Variants in CT47B1 observed in about 807,000 individuals in gnomAD.
CT47B1 encodes the protein cancer/testis antigen family 47 member B1, also known as cancer/testis CT47 family, member 13.
CT47B1 carries 24 observed loss-of-function variants against 12.8 expected under a neutral mutation model. The ratio of observed to expected loss-of-function variants is 1.87; its 90% CI spans 1.36 to 2.63. The LOEUF (loss-of-function observed/expected upper bound fraction) is 2.63, where lower values mean the gene tolerates loss of function less well. CT47B1 is among the 30% of genes most tolerant of loss of function. The probability of loss-of-function intolerance (pLI) is 0.00; values close to 1 mark genes in which losing one functional copy is unlikely to be tolerated. For missense variants in CT47B1, 523 were observed against 271.3 expected (o/e 1.93, Z -6.52); for synonymous variants, 228 against 133.3 (o/e 1.71, Z -4.89).
In CT47B1 at chrX:120,875,718, A is replaced by G; in HGVS notation, c.-48T>C. 1.8e-6 allele frequency: 1 copy of G among 545,281 alleles called. No individual in the cohort carries two copies. The highest frequency in any genetic ancestry group is 2.7e-6 in the Non-Finnish European group (1 of 368,104). The allele number at this position is 545,281 out of a possible 1,213,427, so 44.9% of individuals were successfully genotyped here. ...GGGTGGCGAGCGGGCTGAGGCGACCACGGTGAAGACGGTGACCACTGAGGT... is the reference window on the plus strand; with the variant it reads ...GGGTGGCGAGCGGGCTGAGGCGACCGCGGTGAAGACGGTGACCACTGAGGT... On this transcript the variant is annotated 5_prime_UTR_variant, in exon 1 of 3. Coordinates refer to ENST00000371311, the MANE Select transcript of CT47B1 (RefSeq NM_001145718.3).
chrX:120,875,420 T>C lies in CT47B1; in HGVS notation c.251A>G (p.Asp84Gly), dbSNP rs757180378. ...AVPQGGSAEE[D>G]SDIGPATEEE... ...CTCCGTCGCGGGCCCGATATCTGAG[T>C]CCTCCTCGGCGCTCCCGCCCTGGGG... Residue 84 changes from aspartate (D) to glycine (G), a missense_variant, in exon 1 of 3, where the codon GAC (aspartate) becomes GGC (glycine). Asp to Gly is a moderately conservative substitution (Grantham distance 94). Transcript: ENST00000371311. 14 of 1,207,966 alleles carry C rather than the reference T, an allele frequency of 1.2e-5. No individual in the cohort carries two copies. In the Admixed American group the frequency reaches 2.8e-4, roughly 24 times the overall value.
rs749636043 is a variant in CT47B1 at position 120,875,016 on chromosome X, C to A, written c.655G>T (p.Ala219Ser). The A allele has an allele frequency of 3.2e-5, 39 of 1,210,194 alleles. No individual in the cohort carries two copies. Among genetic ancestry groups the A allele is most frequent in the Non-Finnish European group, 4.0e-5 (36 of 894,870 alleles). ...GGTTTCTCATCTGCGGCCTCCTCCG[C>A]GGGCTCCCTGGCCATCTCGGCCAGG... ...ADLAEMAREP[A>S]EEAADEKPPE... The change falls in exon 1 of 3, where the codon GCG (alanine) becomes TCG (serine). Residue 219 changes from alanine to serine, a missense_variant. Ala to Ser is a moderately conservative substitution (Grantham distance 99). Transcript: ENST00000371311.
chrX:120,875,138 C>A lies in CT47B1; in HGVS notation c.533G>T (p.Gly178Val). ...GCCCTCGCCTTCTGGGGCTGCAGCC[C>A]CTGCACCCAGCCTCTGGGACAGCAG... ...LLLLSQRLGA[G>V]AAAPEGEGLG... Residue 178 changes from glycine to valine, a missense_variant, in exon 1 of 3, where the codon GGG becomes GTG. Coordinates refer to ENST00000371311, the MANE Select transcript of CT47B1 (RefSeq NM_001145718.3). The A allele has an allele frequency of 6.6e-6, 8 of 1,210,608 alleles. No individual in the cohort carries two copies. The highest frequency in any genetic ancestry group is 1.7e-5 in the African/African-American group (1 of 57,965).
rs758016716 is a variant in CT47B1, at chrX:120,875,110, G to C, written c.561C>G (p.Leu187=). The C allele has an allele frequency of 5.0e-5, 61 of 1,208,645 alleles. No homozygotes were observed. In the South Asian group the frequency reaches 7.6e-4, roughly 15 times the overall value. The change falls in exon 1 of 3, where the codon CTC becomes CTG. Residue 187 remains leucine (L), a synonymous_variant. Transcript: ENST00000371311. Reference sequence around the variant, plus strand: ...CCGACGCAGCCTCCTGGATCAGGCCGAGGCCCTCGCCTTCTGGGGCTGCAG... The same window carrying C: ...CCGACGCAGCCTCCTGGATCAGGCCCAGGCCCTCGCCTTCTGGGGCTGCAG... ...AGAAAPEGEG[L]GLIQEAASVQ...
rs1317673333 is a variant in CT47B1 at position 120,874,965 on chromosome X, G to C, written c.706C>G (p.Leu236Val). ...GGTTCCTCTGTGGCCTCCTCTGTGA[G>C]CTTCTCCTCTGCGGCCTCCTCTGGG... ...KPPEEAAEEK[L>V]TEEATEEPAA... Residue 236 changes from leucine to valine, a missense_variant, in exon 1 of 3, where the codon CTC becomes GTC. Transcript: ENST00000371311. 4 of 1,198,463 alleles carry C rather than the reference G, an allele frequency of 3.3e-6. No homozygotes were observed. Among genetic ancestry groups the C allele is most frequent in the South Asian group, 1.8e-5 (1 of 56,672 alleles).
Position 120,874,886 on chromosome X carries a change from GC to G in CT47B1, c.775+9del, listed in dbSNP as rs1299851280. ...CCCCGCTTCCCCGCTGCTGCCGCTA[GC>G]CCCCTTACCCTCGGGGGCCACGGCC... On this transcript the variant is annotated intron_variant, in intron 1 of 2. Coordinates refer to ENST00000371311, the MANE Select transcript of CT47B1 (RefSeq NM_001145718.3). 2.5e-6 allele frequency: 3 copies of G among 1,206,416 alleles called. No homozygotes were observed. The highest frequency in any genetic ancestry group is 1.8e-5 in the African/African-American group (1 of 57,139).
rs202054160 is a variant in CT47B1, at chrX:120,875,295, A to C, written c.376T>G (p.Tyr126Asp). The change falls in exon 1 of 3, where the codon TAC (tyrosine) becomes GAC (aspartate). Residue 126 changes from tyrosine to aspartate, a missense_variant. Tyr to Asp is a radical substitution (Grantham distance 160). Transcript: ENST00000371311. ...PAAGIGFVFL[Y>D]LVHSLLRRLY... is the part of the protein sequence containing the mutation. The stretch of plus-strand genomic sequence containing the variant: ...CGGCGGAGAAGGGAGTGGACCAGGT[A>C]CAGGAACACGAAGCCAATGCCCGCC... 1.8e-5 allele frequency: 22 copies of C among 1,210,278 alleles called. No homozygotes were observed. Among genetic ancestry groups the C allele is most frequent in the East Asian group, 5.9e-5 (2 of 33,744 alleles).
rs947112601 is a variant in CT47B1, at chrX:120,873,462, C to T, written c.*31+403G>A. 1.8e-4 allele frequency among the ~76,000 whole-genome samples: 16 copies of T among 90,438 alleles called. 2 individuals are homozygous for T. Among genetic ancestry groups the T allele is most frequent in the East Asian group, 3.3e-4 (1 of 3,069 alleles). 78.5% of individuals were successfully genotyped at this position (90,438 alleles called of 115,157 possible). On this transcript the variant is annotated intron_variant, in intron 2 of 2. Coordinates refer to ENST00000371311, the MANE Select transcript of CT47B1 (RefSeq NM_001145718.3). ...GCATTGAGTTGTCTCCTAGTTACTA[C>T]GGGAGCCTGCATTTCTGTGGTCAAG...
Position 120,875,093 on chromosome X carries a change from G to A in CT47B1, c.578C>T (p.Ala193Val), listed in dbSNP as rs1280108089. 1.7e-6 allele frequency: 2 copies of A among 1,209,774 alleles called. No homozygotes were observed. Among genetic ancestry groups the A allele is most frequent in the African/African-American group, 1.7e-5 (1 of 57,844 alleles). Residue 193 changes from alanine (A) to valine (V), a missense_variant, in exon 1 of 3, where the codon GCT becomes GTT. Coordinates refer to ENST00000371311, the MANE Select transcript of CT47B1 (RefSeq NM_001145718.3). ...EGEGLGLIQEAASVQEAASVP... is the reference protein window; with the variant it reads ...EGEGLGLIQEVASVQEAASVP... Reference sequence around the variant, plus strand: ...CGACGCGGCCTCCTGGACCGACGCAGCCTCCTGGATCAGGCCGAGGCCCTC... The same window carrying A: ...CGACGCGGCCTCCTGGACCGACGCAACCTCCTGGATCAGGCCGAGGCCCTC...
intron 1 of CT47B1, among the ~76,000 whole-genome samples, chrX:120,874,316 C>G (rs1439454189): frequency 1.8e-5 from 2 of 109,800 alleles, no homozygotes; most frequent in Non-Finnish European, 3.8e-5. Context: ...TCTGAATCAT[C>G]GGGTCTGATC....
Position 120,874,848 on chromosome X carries a change from T to C in CT47B1, c.775+48A>G, listed in dbSNP as rs759287291. The C allele has an allele frequency of 3.4e-5, 41 of 1,196,993 alleles. No individual in the cohort carries two copies. In the Admixed American group the frequency reaches 8.6e-4, roughly 25 times the overall value. ...GCACCGCAGCCCTGCCCAGAGCCCTTGGACACATGGATCCCCGCTTCCCCG... is the reference window on the plus strand; with the variant it reads ...GCACCGCAGCCCTGCCCAGAGCCCTCGGACACATGGATCCCCGCTTCCCCG... On this transcript the variant is annotated intron_variant, in intron 1 of 2. Coordinates refer to ENST00000371311, the MANE Select transcript of CT47B1 (RefSeq NM_001145718.3).
At chrX:120,874,860 TC>T (rs1372886665) in intron 1 of CT47B1, 35 bp downstream of exon 1, 12 of 1,201,688 alleles carry the variant, frequency 1.0e-5, no homozygotes, top group South Asian at 5.4e-5. Context: ...GACACATGGA[TC>T]CCCGCTTCCC....
chrX:120,874,314 A>T (rs1242101045), intron 1 of CT47B1, among the ~76,000 whole-genome samples: 1 of 109,889 alleles, frequency 9.1e-6, no homozygotes, highest in Non-Finnish European at 1.9e-5. Context: ...GATCTGAATC[A>T]TCGGGTCTGA....
At chrX:120,874,104 TACTCC>T (rs1409028420) in intron 1 of CT47B1, 84 bp from the exon 2 acceptor site, 2 of 1,010,381 alleles carry the variant, frequency 2.0e-6, no homozygotes, top group African/African-American at 4.4e-5. Flanking sequence ...GGCATTCAGT[TACTCC>T]ACCCTCAGGA....
chrX:120,873,275 C>A (rs112723019), intron 2 of CT47B1, among the ~76,000 whole-genome samples: 4,821 of 100,872 alleles, frequency 0.048, 427 homozygotes, highest in African/African-American at 0.15. Flanking sequence ...TACCTTAAGA[C>A]TTCATTACCA....
chrX:120,874,903 G>A lies in CT47B1; in HGVS notation c.768C>T (p.Ala256=). 8.3e-7 allele frequency: 1 copy of A among 1,209,169 alleles called. No individual in the cohort carries two copies. Among genetic ancestry groups the A allele is most frequent in the Non-Finnish European group, 1.1e-6 (1 of 894,625 alleles). The change falls in exon 1 of 3, where the codon GCC becomes GCT. Residue 256 remains alanine (A), a synonymous_variant. Coordinates refer to ENST00000371311, the MANE Select transcript of CT47B1 (RefSeq NM_001145718.3). ...AEEPTSEEAV[A]PEEVTKSQPE... is the part of the protein sequence containing the mutation. ...TGCCGCTAGCCCCCTTACCCTCGGG[G>A]GCCACGGCCTCCTCTGAGGTCGGTT...
At position 120,875,238 on chromosome X, in the gene CT47B1, T is replaced by A. The variant is rs1400446205; in HGVS notation, c.433A>T (p.Asn145Tyr). 7 of 1,211,102 alleles carry A rather than the reference T, an allele frequency of 5.8e-6. No homozygotes were observed. Among genetic ancestry groups the A allele is most frequent in the Non-Finnish European group, 7.8e-6 (7 of 894,797 alleles). The change falls in exon 1 of 3, where the codon AAC becomes TAC. Residue 145 changes from asparagine to tyrosine, a missense_variant. Asn to Tyr is a moderately radical substitution (Grantham distance 143, BLOSUM62 -2). Transcript: ENST00000371311. ...LYHNDHIQIANRHLSRLMVGP... is the reference protein window; with the variant it reads ...LYHNDHIQIAYRHLSRLMVGP... ...ACCATCAGGCGGCTGAGGTGACGGT[T>A]CGCTATCTGGATGTGGTCGTTGTGA... is the stretch of plus-strand genomic sequence containing the variant.
rs765662332 is a variant in CT47B1, at chrX:120,874,977, CGGCCTCCTCTGG to C, written c.682_693del (p.Pro228_Ala231del). 1.7e-6 allele frequency: 2 copies of C among 1,210,218 alleles called. No individual in the cohort carries two copies. Among genetic ancestry groups the C allele is most frequent in the East Asian group, 3.0e-5 (1 of 33,815 alleles). On this transcript the variant is annotated inframe_deletion, in exon 1 of 3. Transcript: ENST00000371311. ...GCCTCCTCTGTGAGCTTCTCCTCTG[CGGCCTCCTCTGG>C]GGGTTTCTCATCTGCGGCCTCCTCC...
Position 120,875,753 on chromosome X carries a change from C to G in CT47B1, c.-83G>C. 2 of 509,701 alleles carry G rather than the reference C, an allele frequency of 3.9e-6. No individual in the cohort carries two copies. The highest frequency in any genetic ancestry group is 5.7e-4 in the Middle Eastern group (1 of 1,752). The allele number at this position is 509,701 out of a possible 1,213,427, so 42.0% of individuals were successfully genotyped here. Reference sequence around the variant, plus strand: ...CGGTGACCACTGAGGTGGCTACGGCCGAGGGGAGGCGAGGAGCTGGCCGCT... The same window carrying G: ...CGGTGACCACTGAGGTGGCTACGGCGGAGGGGAGGCGAGGAGCTGGCCGCT... On this transcript the variant is annotated 5_prime_UTR_variant, in exon 1 of 3. Transcript: ENST00000371311.
Sources: gnomAD v4.1 joint callset for allele counts (sites outside exome capture counted in the v4.1 genomes callset) on GRCh38, gnomAD v4.1.1 for gene constraint, MANE v1.5 for transcripts, NCBI Gene and HGNC (gene_info 2026-07-23, HGNC 2026-07-21) for gene names.